The following GRM7 variants were observed in gnomAD, a reference collection of about 807,000 sequenced individuals.
GRM7 encodes metabotropic glutamate receptor 7.
In GRM7, 35 loss-of-function variants were observed where a neutral mutation model predicts 84.5. The ratio of observed to expected loss-of-function variants is 0.41; its 90% CI spans 0.32 to 0.55. The LOEUF (loss-of-function observed/expected upper bound fraction) is 0.55. Among genes scored for constraint, GRM7 ranks in the 20% least tolerant of loss-of-function variants. The pLI, the probability that GRM7 is intolerant of heterozygous loss-of-function variation, is 0.19. For missense variants in GRM7, 1,003 were observed against 1,194.6 expected (o/e 0.84, Z 2.36); for synonymous variants, 487 against 455.1 (o/e 1.07, Z -0.89).
intron 4 of GRM7, among the ~76,000 whole-genome samples, chr3:7,351,610 A>G (rs889656590): frequency 6.6e-6 from 1 of 152,088 alleles, no homozygotes; most frequent in Non-Finnish European, 1.5e-5. Context: ...ATGAGTGGAT[A>G]CCATCCTATG....
intron 1 of GRM7, chr3:6,956,653 A>C (rs1441483824): frequency 2.2e-6 from 1 of 456,694 alleles, no homozygotes; most frequent in Non-Finnish European, 4.4e-6. Flanking sequence ...GTGCATGTTT[A>C]CCTGCTCAGT....
chr3:7,131,628 G>A (rs1439084140), intron 1 of GRM7, among the ~76,000 whole-genome samples: 3 of 151,600 alleles, frequency 2.0e-5, no homozygotes, highest in Non-Finnish European at 2.9e-5. Context: ...ACAGGTGCAC[G>A]CCACCATGCC....
At chr3:6,942,912 A>G (rs1282503067) in intron 1 of GRM7, among the ~76,000 whole-genome samples, 2 of 152,100 alleles carry the variant, frequency 1.3e-5, no homozygotes, top group Non-Finnish European at 2.9e-5. Context: ...AAGTTTAGCC[A>G]TTCGAGTATG....
At chr3:7,294,575 AAG>A (rs56324280) in intron 2 of GRM7, among the ~76,000 whole-genome samples, 64,075 of 140,654 alleles carry the variant, frequency 0.46, 14,569 homozygotes, top group African/African-American at 0.68. Flanking sequence ...AAAAAAAAAA[AAG>A]AAAAATGTTT....
Position 7,101,883 on chromosome 3 carries a change from T to C in GRM7, c.520-44569T>C, listed in dbSNP as rs190887414. On this transcript the variant is annotated intron_variant, in intron 1 of 9. Transcript: ENST00000357716. ...TTAGTGTTGCTTCCAAAGATGACAA[T>C]TGGCATCCTTAATTTATCACAGTTC... Among the ~76,000 whole-genome samples, 553 of 150,534 alleles carry C rather than the reference T, an allele frequency of 3.7e-3. 4 individuals carry two copies. Among genetic ancestry groups the C allele is most frequent in the African/African-American group, 0.013 (524 of 41,292 alleles).
intron 1 of GRM7, among the ~76,000 whole-genome samples, chr3:7,028,107 G>T (rs1696046755): frequency 6.6e-6 from 1 of 152,142 alleles, no homozygotes; most frequent in Non-Finnish European, 1.5e-5. Flanking sequence ...GCTCCAGGAT[G>T]GCAGGAACAT....
At chr3:7,058,069 C>T (rs902893761) in intron 1 of GRM7, among the ~76,000 whole-genome samples, 2 of 151,862 alleles carry the variant, frequency 1.3e-5, no homozygotes, top group Admixed American at 1.3e-4. Flanking sequence ...TGTGTATAAA[C>T]ACATGCAGAA....
intron 4 of GRM7, among the ~76,000 whole-genome samples, chr3:7,382,699 AGT>A (rs1321912293): frequency 7.2e-5 from 11 of 152,252 alleles, no homozygotes; most frequent in African/African-American, 1.9e-4. Flanking sequence ...GTAGTCTGAT[AGT>A]GTGTTTATAT....
At chr3:7,417,148 G>A (rs566416228) in intron 5 of GRM7, among the ~76,000 whole-genome samples, 17 of 152,216 alleles carry the variant, frequency 1.1e-4, no homozygotes, top group African/African-American at 4.1e-4. Context: ...GGAAATAGAA[G>A]TGTTTGTGTC....
intron 1 of GRM7, among the ~76,000 whole-genome samples, chr3:6,935,679 T>A (rs140734671): frequency 2.7e-4 from 18 of 67,800 alleles, no homozygotes; most frequent in Non-Finnish European, 4.8e-4. Context: ...TATTTTTAAA[T>A]TATTATTATT....
rs1694156564 is a variant in GRM7, at chr3:6,980,421, A to G, written c.519+118514A>G. 2.6e-5 allele frequency among the ~76,000 whole-genome samples: 4 copies of G among 152,116 alleles called. No homozygotes were observed. In the South Asian group the frequency reaches 8.3e-4, roughly 31 times the overall value. Reference sequence around the variant, plus strand: ...TGAATTTGTTCTTTGTATTCCCAACAATTTTTTATAATGAATGAAAGACTC... The same window carrying G: ...TGAATTTGTTCTTTGTATTCCCAACGATTTTTTATAATGAATGAAAGACTC... On this transcript the variant is annotated intron_variant, in intron 1 of 9. Transcript: ENST00000357716.
At chr3:7,141,550 T>C (rs1422598128) in intron 1 of GRM7, among the ~76,000 whole-genome samples, 1 of 152,064 alleles carries the variant, frequency 6.6e-6, no homozygotes, top group Non-Finnish European at 1.5e-5. Context: ...AAAATCTTAA[T>C]GGAATTTTAT....
chr3:6,995,569 G>C (rs1694799143), intron 1 of GRM7, among the ~76,000 whole-genome samples: 2 of 152,246 alleles, frequency 1.3e-5, no homozygotes, highest in Non-Finnish European at 1.5e-5. Flanking sequence ...ACTTTGCTAT[G>C]AAAATATTTG....
intron 2 of GRM7, among the ~76,000 whole-genome samples, chr3:7,278,542 T>C (rs1441805491): frequency 3.3e-5 from 5 of 152,170 alleles, no homozygotes; most frequent in Admixed American, 3.3e-4. Context: ...ATTCATTCAT[T>C]ATTTAATTGA....
At chr3:7,685,950 A>G (rs777814205) in intron 9 of GRM7, among the ~76,000 whole-genome samples, 13 of 152,140 alleles carry the variant, frequency 8.5e-5, no homozygotes, top group Non-Finnish European at 1.5e-4. Context: ...ATTTGTTTGG[A>G]TCCCTAACAT....
chr3:7,525,519 G>A (rs1454448895), intron 7 of GRM7, among the ~76,000 whole-genome samples: 3 of 151,934 alleles, frequency 2.0e-5, no homozygotes, highest in Non-Finnish European at 4.4e-5. Flanking sequence ...GAGCCTGGCT[G>A]GGAACAGAGT....
At chr3:7,457,527 T>C (rs1447128892) in intron 6 of GRM7, among the ~76,000 whole-genome samples, 3 of 152,204 alleles carry the variant, frequency 2.0e-5, no homozygotes, top group Admixed American at 2.0e-4. Context: ...ATGTCTGTAC[T>C]TCAATTTACT....
chr3:7,454,605 T>A (rs1697926346), intron 6 of GRM7, among the ~76,000 whole-genome samples: 1 of 152,128 alleles, frequency 6.6e-6, no homozygotes, highest in Non-Finnish European at 1.5e-5. Flanking sequence ...AAATCTGTAT[T>A]TTTCTCACAA....
intron 1 of GRM7, among the ~76,000 whole-genome samples, chr3:7,133,600 C>T (rs1209726954): frequency 6.6e-6 from 1 of 152,134 alleles, no homozygotes; most frequent in African/African-American, 2.4e-5. Context: ...CAAAAGTCAA[C>T]CTTTAGTGTT....
Sources: gnomAD v4.1 joint callset for allele counts (sites outside exome capture counted in the v4.1 genomes callset) on GRCh38, gnomAD v4.1.1 for gene constraint, MANE v1.5 for transcripts, NCBI Gene and HGNC (gene_info 2026-07-23, HGNC 2026-07-21) for gene names.